The following LNX1 variants were observed in gnomAD, a reference collection of about 807,000 sequenced individuals.
The protein encoded by LNX1 is E3 ubiquitin-protein ligase LNX.
A neutral mutation model predicts 68.4 loss-of-function variants in LNX1; 54 were observed. That is an observed-to-expected ratio of 0.79 (90% CI 0.63 to 0.99). The LOEUF is 0.99. LNX1 is among the 50% of genes least tolerant of loss of function. The pLI is 0.00. For synonymous variants in LNX1, 336 were observed against 350.0 expected, an observed-to-expected ratio of 0.96 and a Z score of 0.45; for missense variants, 906 against 926.4, an observed-to-expected ratio of 0.98 and a Z score of 0.29.
Position 53,460,813 on chromosome 4 carries a change from TTC to T in LNX1, c.*92_*93del. The T allele has an allele frequency of 8.1e-7, 1 of 1,234,322 alleles. No individual in the cohort carries two copies. 76.5% of individuals were successfully genotyped at this position (1,234,322 alleles called of 1,614,324 possible). On this transcript the variant is annotated 3_prime_UTR_variant, in exon 11 of 11. Coordinates refer to ENST00000263925, the MANE Select transcript of LNX1 (RefSeq NM_001126328.3). ...TCCTGACATTTTTACAATGTATTCTTTCTTTAAATATAAAAACTGACAAGATA... is the reference window on the plus strand; with the variant it reads ...TCCTGACATTTTTACAATGTATTCTTTTTAAATATAAAAACTGACAAGATA...
At chr4:53,494,233 C>A (rs1724899767) in intron 6 of LNX1, among the ~76,000 whole-genome samples, 1 of 152,148 alleles carries the variant, frequency 6.6e-6, no homozygotes, top group African/African-American at 2.4e-5. Flanking sequence ...ATAAAGGTTT[C>A]CCCTTTTGCT....
chr4:53,537,340 T>C (rs558538667), intron 2 of LNX1, among the ~76,000 whole-genome samples: 1 of 152,272 alleles, frequency 6.6e-6, no homozygotes, highest in South Asian at 2.1e-4. Flanking sequence ...GGTCCACCCT[T>C]TCTTAATTGA....
chr4:53,481,754 G>C lies in LNX1; in HGVS notation c.1451C>G (p.Ser484Cys), dbSNP rs1380577294. ...EAGWNSNGSW[S>C]PGPGERSNTP... is the part of the protein sequence containing the mutation. ...GTTGCTCCTCTCCCCTGGCCCTGGG[G>C]ACCAGCTGCCATTGCTGTTCCAGCC... The change falls in exon 7 of 11, where the codon TCC becomes TGC. Residue 484 changes from serine to cysteine, a missense_variant. Ser to Cys is a moderately radical substitution (Grantham distance 112). Coordinates refer to ENST00000263925, the MANE Select transcript of LNX1 (RefSeq NM_001126328.3). 1.2e-6 allele frequency: 2 copies of C among 1,613,850 alleles called. No individual in the cohort carries two copies. Among genetic ancestry groups the C allele is most frequent in the Non-Finnish European group, 8.5e-7 (1 of 1,179,840 alleles).
At chr4:53,640,048 A>AT (rs763890406) in intron 1 of LNX1, among the ~76,000 whole-genome samples, 12 of 152,326 alleles carry the variant, frequency 7.9e-5, no homozygotes, top group Admixed American at 4.6e-4. Context: ...AAAAAAAATA[A>AT]AAATAAAAAA....
At chr4:53,625,450 T>C (rs188444769) in intron 1 of LNX1, among the ~76,000 whole-genome samples, 2 of 152,198 alleles carry the variant, frequency 1.3e-5, no homozygotes, top group African/African-American at 2.4e-5. Flanking sequence ...AAAGGGTCAA[T>C]AAGCACATGA....
rs368582943 is a variant in LNX1, at chr4:53,558,006, T to A, written c.380+15617A>T. Reference sequence around the variant, plus strand: ...CTGCCTTCTCCCTGGCCACCTTCTGTCAGCTACAAGGGCCCAAACCAGCCA... The same window carrying A: ...CTGCCTTCTCCCTGGCCACCTTCTGACAGCTACAAGGGCCCAAACCAGCCA... On this transcript the variant is annotated intron_variant, in intron 2 of 10. Transcript: ENST00000263925. The A allele has an allele frequency of 1.9e-6, 3 of 1,611,488 alleles. No homozygotes were observed. In the African/African-American group the frequency reaches 4.0e-5, roughly 22 times the overall value.
At chr4:53,551,509 T>C (rs559701764) in intron 2 of LNX1, among the ~76,000 whole-genome samples, 2 of 152,192 alleles carry the variant, frequency 1.3e-5, no homozygotes, top group Non-Finnish European at 2.9e-5. Context: ...AATCCTCAAC[T>C]GATAAGGAGA....
At chr4:53,599,914 G>A (rs373672079) in intron 2 of LNX1, among the ~76,000 whole-genome samples, 1 of 152,206 alleles carries the variant, frequency 6.6e-6, no homozygotes, top group African/African-American at 2.4e-5. Flanking sequence ...GTCAGGGCTG[G>A]CTGGCATTGC....
intron 1 of LNX1, among the ~76,000 whole-genome samples, chr4:53,647,926 T>C (rs1253751937): frequency 1.3e-5 from 2 of 152,282 alleles, no homozygotes; most frequent in African/African-American, 4.8e-5. Flanking sequence ...AACCATGATG[T>C]GGCATGTGCC....
intron 1 of LNX1, chr4:53,575,429 C>T (rs764319081): frequency 4.3e-5 from 36 of 845,934 alleles, no homozygotes; most frequent in Middle Eastern, 6.0e-4. Context: ...AGTTTTCAAG[C>T]GCCAACTCTG....
chr4:53,470,287 A>G (rs987195664), intron 9 of LNX1, among the ~76,000 whole-genome samples: 1 of 152,252 alleles, frequency 6.6e-6, no homozygotes, highest in Non-Finnish European at 1.5e-5. Context: ...ACAAAATTCA[A>G]CAACCTTCAT....
intron 1 of LNX1, among the ~76,000 whole-genome samples, chr4:53,588,126 C>A (rs1577764827): frequency 6.6e-6 from 1 of 152,182 alleles, no homozygotes. Flanking sequence ...ATATGCCAGG[C>A]ACTTTCCATG....
intron 2 of LNX1, among the ~76,000 whole-genome samples, chr4:53,609,748 T>A (rs889722624): frequency 7.0e-4 from 99 of 140,660 alleles, no homozygotes; most frequent in Non-Finnish European, 9.9e-4. Context: ...TATTATATAT[T>A]ATATATAATA....
intron 2 of LNX1, among the ~76,000 whole-genome samples, chr4:53,509,738 C>T (rs1467536924): frequency 6.6e-6 from 1 of 152,168 alleles, no homozygotes; most frequent in South Asian, 2.1e-4. Context: ...CTAAGATGCT[C>T]TTTTCATGCT....
At chr4:53,630,208 A>G (rs143307492) in intron 1 of LNX1, among the ~76,000 whole-genome samples, 4 of 152,282 alleles carry the variant, frequency 2.6e-5, no homozygotes, top group African/African-American at 9.6e-5. Flanking sequence ...ACAGCAAGTC[A>G]TTAAAATGTT....
At chr4:53,490,022 T>A (rs1579397981) in intron 6 of LNX1, among the ~76,000 whole-genome samples, 1 of 152,108 alleles carries the variant, frequency 6.6e-6, no homozygotes, top group East Asian at 1.9e-4. Flanking sequence ...AAATAGTCCA[T>A]TATTGGCTTT....
At chr4:53,636,179 CTTTTTTTTT>C (rs11440722) in intron 1 of LNX1, among the ~76,000 whole-genome samples, 60 of 85,250 alleles carry the variant, frequency 7.0e-4, no homozygotes, top group African/African-American at 2.7e-3. Flanking sequence ...TCTATTACTC[CTTTTTTTTT>C]TTTTTTTTTT....
At chr4:53,514,975 C>T (rs1335577109) in intron 2 of LNX1, among the ~76,000 whole-genome samples, 1 of 152,090 alleles carries the variant, frequency 6.6e-6, no homozygotes, top group African/African-American at 2.4e-5. Flanking sequence ...CTAAATACCC[C>T]ATCCAAACAA....
chr4:53,632,611 G>A (rs1734320710), intron 1 of LNX1, among the ~76,000 whole-genome samples: 1 of 152,128 alleles, frequency 6.6e-6, no homozygotes, highest in Non-Finnish European at 1.5e-5. Flanking sequence ...ATCTTTGCTT[G>A]GAATTTTCCC....
Sources: gnomAD v4.1 joint callset for allele counts (sites outside exome capture counted in the v4.1 genomes callset) on GRCh38, gnomAD v4.1.1 for gene constraint, MANE v1.5 for transcripts, NCBI Gene and HGNC (gene_info 2026-07-23, HGNC 2026-07-21) for gene names.